Variants in ARHGAP21 observed in about 807,000 individuals in gnomAD.
ARHGAP21 encodes rho GTPase-activating protein 21.
In ARHGAP21, 38 loss-of-function variants were observed where a neutral mutation model predicts 164.6. That is an observed-to-expected ratio of 0.23 (90% CI 0.18 to 0.30). The LOEUF is 0.30. Among genes scored for constraint, ARHGAP21 ranks in the 10% least tolerant of loss-of-function variants. The pLI is 1.00. For synonymous variants in ARHGAP21, 766 were observed against 857.9 expected (o/e 0.89, Z 1.87); for missense variants, 1,822 against 2,370.7 (o/e 0.77, Z 4.81).
chr10:24,721,057 G>T (rs1354324043), intron 2 of ARHGAP21, among the ~76,000 whole-genome samples: 2 of 151,764 alleles, frequency 1.3e-5, no homozygotes, highest in Non-Finnish European at 2.9e-5. Context: ...TATTTTCTAT[G>T]ATTTCTGTCC....
At chr10:24,700,911 G>T (rs146177474) in intron 2 of ARHGAP21, among the ~76,000 whole-genome samples, 1 of 152,142 alleles carries the variant, frequency 6.6e-6, no homozygotes, top group African/African-American at 2.4e-5. Context: ...CAGAACATCC[G>T]CATTTCTTAC....
At chr10:24,708,898 C>T (rs910661893) in intron 2 of ARHGAP21, among the ~76,000 whole-genome samples, 2 of 152,160 alleles carry the variant, frequency 1.3e-5, no homozygotes, top group Admixed American at 1.3e-4. Context: ...CTGCAACAAA[C>T]ATACAAGAGC....
At chr10:24,655,243 T>C (rs1180092735) in intron 4 of ARHGAP21, among the ~76,000 whole-genome samples, 6 of 152,126 alleles carry the variant, frequency 3.9e-5, no homozygotes, top group African/African-American at 1.4e-4. Context: ...CCAAAAGCAA[T>C]GGCAACAAAA....
Position 24,619,835 on chromosome 10 carries a change from C to A in ARHGAP21, c.2060G>T (p.Gly687Val). The A allele has an allele frequency of 1.2e-6, 2 of 1,614,132 alleles. No homozygotes were observed. The highest frequency in any genetic ancestry group is 1.7e-6 in the Non-Finnish European group (2 of 1,180,030). The stretch of plus-strand genomic sequence containing the variant: ...CTGAGGGGCAGGCTTGGCAGAGGCT[C>A]CAGATAAAGAGGGGGATTTCCCAGT... ...VETGKSPSLS[G>V]ASAKPAPQSS... The change falls in exon 9 of 26, where the codon GGA (glycine) becomes GTA (valine). Residue 687 changes from glycine to valine, a missense_variant. This residue lies in a region of ARHGAP21 where 1,090 missense variants were observed against 1,378.9 expected (regional missense o/e 0.79). Transcript: ENST00000396432.
At chr10:24,672,979 T>C (rs1840860574) in intron 2 of ARHGAP21, among the ~76,000 whole-genome samples, 1 of 152,268 alleles carries the variant, frequency 6.6e-6, no homozygotes, top group South Asian at 2.1e-4. Flanking sequence ...ATATGAAATA[T>C]TTAGGGATAA....
At chr10:24,681,142 C>T (rs2131886832) in intron 2 of ARHGAP21, among the ~76,000 whole-genome samples, 1 of 152,146 alleles carries the variant, frequency 6.6e-6, no homozygotes, top group Non-Finnish European at 1.5e-5. Context: ...GTGATAAAAA[C>T]CTCACATAAG....
At position 24,604,606 on chromosome 10, in the gene ARHGAP21, T is replaced by TA. The variant is rs201473160; in HGVS notation, c.2685-259dup. 8.9e-3 allele frequency among the ~76,000 whole-genome samples: 1,362 copies of TA among 152,328 alleles called. 15 individuals carry two copies. The highest frequency in any genetic ancestry group is 0.012 in the Non-Finnish European group (792 of 68,028). On this transcript the variant is annotated intron_variant, in intron 11 of 25. Coordinates refer to ENST00000396432, the MANE Select transcript of ARHGAP21 (RefSeq NM_020824.4). ...TTGAAGTGTGGGATTTTCTTTTTTTTATCAAAGAAAAAGCTACTCAGGCTG... is the reference window on the plus strand; with the variant it reads ...TTGAAGTGTGGGATTTTCTTTTTTTTAATCAAAGAAAAAGCTACTCAGGCTG...
chr10:24,634,537 T>A (rs1327087166), intron 5 of ARHGAP21, among the ~76,000 whole-genome samples: 1 of 152,208 alleles, frequency 6.6e-6, no homozygotes, highest in African/African-American at 2.4e-5. Flanking sequence ...AAGCCACATA[T>A]ACTGACACCT....
At chr10:24,639,266 A>AT (rs1002085147) in intron 4 of ARHGAP21, among the ~76,000 whole-genome samples, 1 of 152,198 alleles carries the variant, frequency 6.6e-6, no homozygotes, top group Non-Finnish European at 1.5e-5. Context: ...TTAATTGAGC[A>AT]TTCTGTATTT....
Position 24,584,831 on chromosome 10 carries a change from T to G in ARHGAP21, c.5458A>C (p.Lys1820Gln), listed in dbSNP as rs766927000. 3 of 1,613,968 alleles carry G rather than the reference T, an allele frequency of 1.9e-6. No homozygotes were observed. The highest frequency in any genetic ancestry group is 2.2e-5 in the South Asian group (2 of 91,064). The change falls in exon 26 of 26, where the codon AAA (lysine) becomes CAA (glutamine). Residue 1820 changes from lysine to glutamine, a missense_variant. Physicochemically the swap from Lys to Gln is moderately conservative, Grantham distance 53. This residue lies in a region of ARHGAP21 where 165 missense variants were observed against 176.6 expected (regional missense o/e 0.93). Transcript: ENST00000396432. Reference protein sequence around the residue: ...ATEISVLNFWKVHEQSGERES... With the variant: ...ATEISVLNFWQVHEQSGERES... ...CTCTCCCCGCTCTGCTCATGCACTT[T>G]CCAAAAATTCAAAACGCTGATTTCG...
chr10:24,591,975 G>C lies in ARHGAP21; in HGVS notation c.3914C>G (p.Thr1305Ser), dbSNP rs1564959613. ...PRNLAIVFGPTLVRTSEDNMT... is the reference protein window; with the variant it reads ...PRNLAIVFGPSLVRTSEDNMT... Reference sequence around the variant, plus strand: ...GTTGTCTTCTGATGTTCGAACAAGGGTGGGACCAAACACTATTGCTAGGTT... The same window carrying C: ...GTTGTCTTCTGATGTTCGAACAAGGCTGGGACCAAACACTATTGCTAGGTT... The change falls in exon 22 of 26, where the codon ACC (threonine) becomes AGC (serine). Residue 1305 changes from threonine to serine, a missense_variant. Physicochemically the swap from Thr to Ser is moderately conservative, Grantham distance 58 (BLOSUM62 1). Around this residue, in one of 5 missense-constraint regions of ARHGAP21, gnomAD observed 117 missense variants for 238.1 expected, o/e 0.49. Transcript: ENST00000396432. The C allele has an allele frequency of 1.2e-6, 2 of 1,613,430 alleles. No homozygotes were observed. The highest frequency in any genetic ancestry group is 1.7e-6 in the Non-Finnish European group (2 of 1,179,740).
intron 24 of ARHGAP21, 62 bp from the exon 25 acceptor site, chr10:24,589,364 A>G: frequency 6.9e-7 from 1 of 1,443,178 alleles, no homozygotes; most frequent in Non-Finnish European, 9.6e-7. Flanking sequence ...TCCACAAACA[A>G]TGCAAAACTT....
chr10:24,665,857 G>C (rs936370228), intron 4 of ARHGAP21, among the ~76,000 whole-genome samples: 2 of 152,126 alleles, frequency 1.3e-5, no homozygotes, highest in Non-Finnish European at 2.9e-5. Context: ...AAAATACAAG[G>C]AAAGACTAAA....
chr10:24,623,197 C>T (rs1053307671), intron 7 of ARHGAP21, among the ~76,000 whole-genome samples: 5 of 152,144 alleles, frequency 3.3e-5, no homozygotes, highest in Non-Finnish European at 2.9e-5. Context: ...CTCCTCCTTC[C>T]CCAGTAAATC....
At chr10:24,693,335 A>C (rs1842897738) in intron 2 of ARHGAP21, among the ~76,000 whole-genome samples, 1 of 152,006 alleles carries the variant, frequency 6.6e-6, no homozygotes, top group African/African-American at 2.4e-5. Flanking sequence ...AGGAAATCTA[A>C]AACTTTTTTT....
At chr10:24,689,377 T>A (rs1842500142) in intron 2 of ARHGAP21, among the ~76,000 whole-genome samples, 2 of 152,182 alleles carry the variant, frequency 1.3e-5, no homozygotes, top group Admixed American at 1.3e-4. Flanking sequence ...TTACCTGTCA[T>A]TCCCCGTCTA....
chr10:24,597,878 G>C (rs1053559297), intron 15 of ARHGAP21, 67 bp downstream of exon 15: 56 of 1,491,388 alleles, frequency 3.8e-5, no homozygotes, highest in Non-Finnish European at 5.0e-5. Context: ...ATGTATCCTT[G>C]CAAATAAGGG....
intron 2 of ARHGAP21, among the ~76,000 whole-genome samples, chr10:24,717,670 G>A (rs370746169): frequency 6.2e-4 from 95 of 152,170 alleles, no homozygotes; most frequent in African/African-American, 2.2e-3. Flanking sequence ...ACAGAAGCGC[G>A]GACCAAATTA....
At chr10:24,656,137 G>C (rs1386459832) in intron 4 of ARHGAP21, among the ~76,000 whole-genome samples, 2 of 141,126 alleles carry the variant, frequency 1.4e-5, no homozygotes, top group Non-Finnish European at 3.1e-5. Context: ...TCTCCGCCCG[G>C]CAGCCACCCC....
Sources: gnomAD v4.1 joint callset for allele counts (sites outside exome capture counted in the v4.1 genomes callset) on GRCh38, gnomAD v4.1.1 for gene constraint, gnomAD v4.1.1 regional missense constraint, MANE v1.5 for transcripts, NCBI Gene and HGNC (gene_info 2026-07-23, HGNC 2026-07-21) for gene names.